IL4R: variants seen among roughly 807,000 people sequenced by gnomAD.
IL4R encodes the protein interleukin 4 receptor, also known as interleukin-4 receptor subunit alpha.
Under a neutral mutation model 41.5 loss-of-function variants are expected in IL4R, and 17 were observed. The observed-to-expected ratio is 0.41, with a 90% CI of 0.28 to 0.61. The LOEUF (loss-of-function observed/expected upper bound fraction) is 0.61. IL4R is among the 20% of genes least tolerant of loss of function. The pLI, the probability that IL4R is intolerant of heterozygous loss-of-function variation, is 0.31. For synonymous variants in IL4R, 402 were observed against 422.9 expected, an observed-to-expected ratio of 0.95 and a Z score of 0.61; for missense variants, 974 against 1,043.1, an observed-to-expected ratio of 0.93 and a Z score of 0.91.
intron 1 of IL4R, among the ~76,000 whole-genome samples, chr16:27,318,437 A>C (rs558954128): frequency 8.1e-6 from 1 of 123,600 alleles, no homozygotes; most frequent in South Asian, 2.5e-4. Flanking sequence ...AGGAGGTGAC[A>C]TTTGAGAGGG....
chr16:27,342,942 A>G lies in IL4R; in HGVS notation c.209+683A>G, dbSNP rs544702601. On this transcript the variant is annotated intron_variant, in intron 4 of 10. Transcript: ENST00000395762. ...GTGAAAAGGCAAATAACGTCCCTGT[A>G]TTATGATGAAAAGAGTTTTACCTGG... Among the ~76,000 whole-genome samples the G allele has an allele frequency of 5.9e-5, 9 of 152,360 alleles. 1 individual carries two copies. In the South Asian group the frequency reaches 1.9e-3, roughly 32 times the overall value.
rs918015542 is a variant in IL4R at position 27,363,516 on chromosome 16, G to T, written c.2164G>T (p.Gly722Cys). Residue 722 changes from glycine to cysteine, a missense_variant, in exon 11 of 11, where the codon GGC becomes TGC. By Grantham distance (159) the Gly-to-Cys change is radical (BLOSUM62 -3). Coordinates refer to ENST00000395762, the MANE Select transcript of IL4R (RefSeq NM_000418.4). Reference protein sequence around the residue: ...VYSALTCHLCGHLKQCHGQED... With the variant: ...VYSALTCHLCCHLKQCHGQED... Reference sequence around the variant, plus strand: ...CTCAGCCCTTACCTGCCACCTGTGCGGCCACCTGAAACAGTGTCATGGCCA... The same window carrying T: ...CTCAGCCCTTACCTGCCACCTGTGCTGCCACCTGAAACAGTGTCATGGCCA... 2.5e-6 allele frequency: 4 copies of T among 1,614,096 alleles called. No individual in the cohort carries two copies. The highest frequency in any genetic ancestry group is 3.4e-6 in the Non-Finnish European group (4 of 1,180,002).
chr16:27,315,896 A>G (rs1368747281), intron 1 of IL4R, among the ~76,000 whole-genome samples: 2 of 152,188 alleles, frequency 1.3e-5, no homozygotes, highest in African/African-American at 2.4e-5. Context: ...CACCCCATTT[A>G]CAACACATGC....
chr16:27,355,623 C>T (rs919833193), intron 7 of IL4R, 185 bp from the exon 8 acceptor site: 55 of 542,592 alleles, frequency 1.0e-4, no homozygotes, highest in South Asian at 7.3e-4. Context: ...ATGAGGTGGC[C>T]GGTGTGACGA....
chr16:27,342,192 A>G lies in IL4R; in HGVS notation c.142A>G (p.Met48Val), dbSNP rs780462972. 2 of 1,614,176 alleles carry G rather than the reference A, an allele frequency of 1.2e-6. No individual in the cohort carries two copies. The highest frequency in any genetic ancestry group is 1.7e-6 in the Non-Finnish European group (2 of 1,180,032). Reference protein sequence around the residue: ...YMSISTCEWKMNGPTNCSTEL... With the variant: ...YMSISTCEWKVNGPTNCSTEL... ...GAGCATCTCTACTTGCGAGTGGAAG[A>G]TGAATGGTCCCACCAATTGCAGCAC... is the stretch of plus-strand genomic sequence containing the variant. Residue 48 changes from methionine to valine, a missense_variant, in exon 4 of 11, where the codon ATG (methionine) becomes GTG (valine). Met to Val is a conservative substitution (Grantham distance 21). Transcript: ENST00000395762.
intron 2 of IL4R, among the ~76,000 whole-genome samples, chr16:27,332,264 G>A (rs1247438897): frequency 6.6e-6 from 1 of 152,094 alleles, no homozygotes; most frequent in Non-Finnish European, 1.5e-5. Flanking sequence ...GGAGGCTTCA[G>A]GAAACATATT....
chr16:27,363,807 C>T lies in IL4R; in HGVS notation c.2455C>T (p.Pro819Ser). ...PKIVNFVSVGPTYMRVS is the reference protein window; with the variant it reads ...PKIVNFVSVGSTYMRVS ...AATCGTGAACTTTGTCTCCGTGGGA[C>T]CCACATACATGAGGGTCTCTTAGGT... The change falls in exon 11 of 11, where the codon CCC (proline) becomes TCC (serine). Residue 819 changes from proline to serine, a missense_variant. By Grantham distance (74) the Pro-to-Ser change is moderately conservative. Transcript: ENST00000395762. The T allele has an allele frequency of 6.2e-7, 1 of 1,605,278 alleles. No homozygotes were observed. Among genetic ancestry groups the T allele is most frequent in the East Asian group, 2.2e-5 (1 of 44,890 alleles).
At chr16:27,329,557 A>G (rs891005568) in intron 1 of IL4R, among the ~76,000 whole-genome samples, 2 of 151,610 alleles carry the variant, frequency 1.3e-5, no homozygotes, top group African/African-American at 4.8e-5. Context: ...CACACCTGTA[A>G]TTCCAGCTAC....
At chr16:27,344,760 C>A in intron 4 of IL4R, 109 bp from the exon 5 acceptor site, 5 of 1,147,558 alleles carry the variant, frequency 4.4e-6, no homozygotes, top group Non-Finnish European at 6.3e-6. Context: ...CATCCGTGAT[C>A]GGGAAGCTGG....
chr16:27,333,402 G>T lies in IL4R; in HGVS notation c.-19+3204G>T, dbSNP rs75029019. 1.2e-4 allele frequency among the ~76,000 whole-genome samples: 19 copies of T among 152,174 alleles called. No individual in the cohort carries two copies. The East Asian group carries it at 3.5e-3, about 28-fold the overall frequency. ...TTGGGTTCAGCCTGCAGTTTTAGGA[G>T]ATGAGATTGAAGGAACTGGTATACT... On this transcript the variant is annotated intron_variant, in intron 2 of 10. Coordinates refer to ENST00000395762, the MANE Select transcript of IL4R (RefSeq NM_000418.4).
At chr16:27,348,340 C>G (rs1157478701) in intron 6 of IL4R, among the ~76,000 whole-genome samples, 1 of 152,156 alleles carries the variant, frequency 6.6e-6, no homozygotes, top group Non-Finnish European at 1.5e-5. Context: ...ATGCCCCAGG[C>G]CTGTGCAAGA....
chr16:27,353,879 G>GTTC (rs1216690345), intron 7 of IL4R, among the ~76,000 whole-genome samples: 1 of 152,130 alleles, frequency 6.6e-6, no homozygotes, highest in Non-Finnish European at 1.5e-5. Context: ...TCCCATCCAA[G>GTTC]TTCTCAGACC....
chr16:27,319,520 C>T (rs556696552), intron 1 of IL4R, among the ~76,000 whole-genome samples: 35 of 152,306 alleles, frequency 2.3e-4, no homozygotes, highest in Admixed American at 1.3e-3. Flanking sequence ...TTTACATTGT[C>T]GGTGTACTCC....
chr16:27,329,133 AC>A (rs1402207835), intron 1 of IL4R, among the ~76,000 whole-genome samples: 9 of 150,884 alleles, frequency 6.0e-5, no homozygotes, highest in African/African-American at 2.2e-4. Context: ...AGTGTGCGGC[AC>A]CTCCCTCCTC....
In IL4R at chr16:27,345,980, AAAAAT is replaced by A. The variant is rs1355063253; in HGVS notation, c.362-483_362-479del. 1.3e-5 allele frequency among the ~76,000 whole-genome samples: 2 copies of A among 152,202 alleles called. No homozygotes were observed. The highest frequency in any genetic ancestry group is 3.9e-4 in the East Asian group (2 of 5,184). Reference sequence around the variant, plus strand: ...GAGTGAGATTACGTCTCAAAAAAATAAAAATAAATAAAAATAAAAAGATTTTTTAA... The same window carrying A: ...GAGTGAGATTACGTCTCAAAAAAATAAAATAAAAATAAAAAGATTTTTTAA... On this transcript the variant is annotated intron_variant, in intron 5 of 10. Coordinates refer to ENST00000395762, the MANE Select transcript of IL4R (RefSeq NM_000418.4). The surrounding 1 kb of genome is among the most constrained non-coding windows in gnomAD (Gnocchi z 4.5).
intron 9 of IL4R, chr16:27,359,852 G>C (rs1484475709): frequency 2.2e-6 from 1 of 456,342 alleles, no homozygotes; most frequent in East Asian, 7.0e-5. Flanking sequence ...CCGAAATGTA[G>C]AGGGTTACAA....
At chr16:27,342,032 T>G in intron 3 of IL4R, 89 bp from the exon 4 acceptor site, 1 of 1,468,992 alleles carries the variant, frequency 6.8e-7, no homozygotes, top group Non-Finnish European at 9.3e-7. Flanking sequence ...ACTGTGCTTT[T>G]GTGCTATTCC....
At chr16:27,315,882 C>T (rs1259994321) in intron 1 of IL4R, among the ~76,000 whole-genome samples, 3 of 152,126 alleles carry the variant, frequency 2.0e-5, no homozygotes, top group African/African-American at 7.2e-5. Context: ...AACCTGCAGT[C>T]ACTCACCCCA....
intron 10 of IL4R, chr16:27,361,143 C>A: frequency 1.3e-6 from 1 of 762,088 alleles, no homozygotes; most frequent in Non-Finnish European, 1.8e-6. Flanking sequence ...GAACACTCCC[C>A]TCCTTTTTTT....
Sources: gnomAD v4.1 joint callset for allele counts (sites outside exome capture counted in the v4.1 genomes callset) on GRCh38, gnomAD v4.1.1 for gene constraint, Gnocchi (gnomAD v3.1) non-coding constraint, MANE v1.5 for transcripts, NCBI Gene and HGNC (gene_info 2026-07-23, HGNC 2026-07-21) for gene names.